The following C4orf51 variants were observed in gnomAD, a reference collection of about 807,000 sequenced individuals.
C4orf51 encodes the protein uncharacterized protein C4orf51.
A neutral mutation model predicts 25.2 loss-of-function variants in C4orf51; 25 were observed. That is an observed-to-expected ratio of 0.99 (90% CI 0.72 to 1.39). The LOEUF (loss-of-function observed/expected upper bound fraction) is 1.39, where lower values mean the gene tolerates loss of function less well. C4orf51 is among the 40% of genes most tolerant of loss of function. The probability of loss-of-function intolerance (pLI) is 0.00; values close to 1 mark genes in which losing one functional copy is unlikely to be tolerated. For synonymous variants in C4orf51, 100 were observed against 84.5 expected, an observed-to-expected ratio of 1.18 and a Z score of -1.01; for missense variants, 252 against 239.6, an observed-to-expected ratio of 1.05 and a Z score of -0.34.
chr4:145,726,831 T>C (rs1732088426), intron 2 of C4orf51, 80 bp from the exon 3 acceptor site: 2 of 1,150,256 alleles, frequency 1.7e-6, no homozygotes, highest in Admixed American at 3.5e-5. Context: ...CAATTTGTGG[T>C]AATAGCCTAA....
chr4:145,682,736 G>T (rs575204037), intron 1 of C4orf51, among the ~76,000 whole-genome samples: 291 of 152,240 alleles, frequency 1.9e-3, no homozygotes, highest in African/African-American at 6.7e-3. Flanking sequence ...TCCGAATTTG[G>T]AGAATGAAAT....
At chr4:145,783,385 C>T in the C4orf51 span, among the ~76,000 whole-genome samples, 1 of 152,212 alleles carries the variant, frequency 6.6e-6, no homozygotes, top group Non-Finnish European at 1.5e-5. Context: ...ATCAGGCTAC[C>T]TGCCTTTTGA....
At chr4:145,723,266 C>T (rs1731847455) in intron 2 of C4orf51, among the ~76,000 whole-genome samples, 1 of 152,166 alleles carries the variant, frequency 6.6e-6, no homozygotes, top group African/African-American at 2.4e-5. Flanking sequence ...AATCTAAATT[C>T]TCCTCCTTTG....
intron 1 of C4orf51, among the ~76,000 whole-genome samples, chr4:145,764,394 A>G (rs1188365924): frequency 6.6e-6 from 1 of 152,224 alleles, no homozygotes; most frequent in Non-Finnish European, 1.5e-5. Context: ...GATTGGTCTC[A>G]CTTGAGACCA....
In C4orf51 at chr4:145,763,181, T is replaced by A; in HGVS notation, n.167-7807T>A. The A allele has an allele frequency of 1.3e-6, 2 of 1,507,662 alleles. No individual in the cohort carries two copies. Among genetic ancestry groups the A allele is most frequent in the Non-Finnish European group, 1.8e-6 (2 of 1,123,178 alleles). 93.4% of individuals were successfully genotyped at this position (1,507,662 alleles called of 1,614,324 possible). A position where few individuals can be genotyped will look rare whatever the true frequency, so the allele number is the denominator to read the frequency against. On this transcript the variant is annotated intron_variant and non_coding_transcript_variant, in intron 1 of 1. Transcript: ENST00000510096. The surrounding 1 kb of genome is among the most constrained non-coding windows in gnomAD (Gnocchi z 4.6). ...TTTGATCTGCATTATGAACAGGATA[T>A]AGAGTACAAGCAGTTCCATCACAGA...
In C4orf51 at chr4:145,765,009, G is replaced by A. The variant is rs746225300; in HGVS notation, n.167-5979G>A. On this transcript the variant is annotated intron_variant and non_coding_transcript_variant, in intron 1 of 1. Coordinates refer to the C4orf51 transcript ENST00000510096. This position sits in a 1 kb window ranked among gnomAD's most constrained non-coding sequence, Gnocchi z 4.7. ...TTACTTGAGCCCACCGGTGGGGACA[G>A]TGTGGCATTTCTTATGCTCCAGCAG... 2.5e-6 allele frequency: 4 copies of A among 1,613,908 alleles called. No individual in the cohort carries two copies. The highest frequency in any genetic ancestry group is 1.1e-5 in the South Asian group (1 of 91,008).
At chr4:145,727,895 GTA>G (rs35521926) in intron 3 of C4orf51, among the ~76,000 whole-genome samples, 21,062 of 101,358 alleles carry the variant, frequency 0.21, 2,155 homozygotes, top group Non-Finnish European at 0.24. Context: ...AAAAAAATGT[GTA>G]TATATATATA....
chr4:145,750,261 C>CT (rs1306392541), intron 1 of C4orf51, among the ~76,000 whole-genome samples: 3 of 152,026 alleles, frequency 2.0e-5, no homozygotes, highest in South Asian at 2.1e-4. Context: ...CATTAACATC[C>CT]TTTTTTTCCT....
chr4:145,741,642 C>A (rs7690184), intron 1 of C4orf51, among the ~76,000 whole-genome samples: 22,955 of 152,128 alleles, frequency 0.15, 2,099 homozygotes, highest in East Asian at 0.35. Context: ...AGAAGGAAAG[C>A]TTTGGGGTCT....
intron 1 of C4orf51, among the ~76,000 whole-genome samples, chr4:145,751,170 T>A (rs1733652983): frequency 6.6e-6 from 1 of 152,154 alleles, no homozygotes; most frequent in Non-Finnish European, 1.5e-5. Flanking sequence ...TTTGGTGCGG[T>A]CATGTTTTCC....
chr4:145,708,326 G>T (rs962444739), intron 2 of C4orf51, among the ~76,000 whole-genome samples: 1 of 152,192 alleles, frequency 6.6e-6, no homozygotes, highest in African/African-American at 2.4e-5. Context: ...AAGCCAAATA[G>T]TATTACAAAG....
At chr4:145,688,473 C>T (rs946396895) in intron 1 of C4orf51, among the ~76,000 whole-genome samples, 1 of 152,122 alleles carries the variant, frequency 6.6e-6, no homozygotes, top group Non-Finnish European at 1.5e-5. Flanking sequence ...ATCATGGGGG[C>T]AGTTCCCCCA....
At chr4:145,776,055 T>C in the C4orf51 span, 1 of 1,386,528 alleles carries the variant, frequency 7.2e-7, no homozygotes, top group Admixed American at 1.8e-5. Flanking sequence ...AAGGAAAGAA[T>C]GGTTCAAGTC....
At chr4:145,729,017 C>T (rs1732269470) in intron 3 of C4orf51, among the ~76,000 whole-genome samples, 152 bp from the exon 4 acceptor site, 1 of 151,870 alleles carries the variant, frequency 6.6e-6, no homozygotes, top group Non-Finnish European at 1.5e-5. Context: ...GTGGCTGAGA[C>T]TACACTGCAC....
chr4:145,726,596 G>A (rs1732073645), intron 2 of C4orf51, among the ~76,000 whole-genome samples: 2 of 152,012 alleles, frequency 1.3e-5, no homozygotes, highest in Admixed American at 6.6e-5. Context: ...TGTAGAGACG[G>A]GGGTCTCCCT....
chr4:145,708,665 C>T (rs913641184), intron 2 of C4orf51, among the ~76,000 whole-genome samples: 1 of 152,152 alleles, frequency 6.6e-6, no homozygotes, highest in African/African-American at 2.4e-5. Context: ...CAGAATGAAC[C>T]AGTCTTACCA....
intron 2 of C4orf51, among the ~76,000 whole-genome samples, chr4:145,723,001 C>T (rs553572242): frequency 2.6e-4 from 40 of 152,204 alleles, no homozygotes; most frequent in African/African-American, 7.9e-4. Context: ...TTCTAAATTA[C>T]GGTGAGTTGT....
intron 1 of C4orf51, among the ~76,000 whole-genome samples, chr4:145,750,586 T>C (rs1197640637): frequency 1.3e-5 from 2 of 152,128 alleles, no homozygotes; most frequent in East Asian, 3.9e-4. Context: ...CTTTGACCTT[T>C]GGGAGTTTGA....
chr4:145,697,441 C>T (rs551279436), intron 2 of C4orf51, among the ~76,000 whole-genome samples: 19 of 152,296 alleles, frequency 1.2e-4, no homozygotes, highest in Middle Eastern at 6.8e-3. Context: ...ACCATAGTTA[C>T]CATACTGTAC....
Sources: gnomAD v4.1 joint callset for allele counts (sites outside exome capture counted in the v4.1 genomes callset) on GRCh38, gnomAD v4.1.1 for gene constraint, Gnocchi (gnomAD v3.1) non-coding constraint, MANE v1.5 for transcripts, NCBI Gene and HGNC (gene_info 2026-07-23, HGNC 2026-07-21) for gene names.